The following DSTN variants were observed in gnomAD, a reference collection of about 807,000 sequenced individuals.
The protein encoded by DSTN is destrin.
Under a neutral mutation model 16.8 loss-of-function variants are expected in DSTN, and 10 were observed. The ratio of observed to expected loss-of-function variants is 0.60; its 90% confidence interval spans 0.37 to 1.01. DSTN has a LOEUF of 1.01. Among genes scored for constraint, DSTN ranks in the 50% least tolerant of loss-of-function variants. The pLI, the probability that DSTN is intolerant of heterozygous loss-of-function variation, is 0.01. For missense variants in DSTN, 141 were observed against 196.7 expected (o/e 0.72, Z 1.69); for synonymous variants, 57 against 58.9 (o/e 0.97, Z 0.14).
chr20:17,585,106 A>G (rs1415008604), intron 1 of DSTN, among the ~76,000 whole-genome samples: 1 of 152,230 alleles, frequency 6.6e-6, no homozygotes, highest in Admixed American at 6.5e-5. Flanking sequence ...TGCTTTCTAA[A>G]AGATATTAAT....
intron 1 of DSTN, among the ~76,000 whole-genome samples, chr20:17,594,949 T>C (rs1386275380): frequency 6.6e-6 from 1 of 152,194 alleles, no homozygotes; most frequent in African/African-American, 2.4e-5. Context: ...GTGCATCACA[T>C]GCCTTTGAGA....
intron 3 of DSTN, among the ~76,000 whole-genome samples, chr20:17,605,528 T>C (rs190013299): frequency 1.3e-5 from 2 of 152,348 alleles, no homozygotes; most frequent in East Asian, 3.9e-4. Context: ...AGGTTTGCCC[T>C]AGCCTGTTTT....
chr20:17,570,157 C>T lies in DSTN; in HGVS notation c.-52C>T. ...AGCCGTGAGGAGGACGGTCTGCATA[C>T]TCGCTGCCCGCCGGCTCCCTCCCCC... On this transcript the variant is annotated 5_prime_UTR_variant, in exon 1 of 4. Transcript: ENST00000246069. The T allele has an allele frequency of 2.6e-6, 4 of 1,517,362 alleles. No homozygotes were observed. Among genetic ancestry groups the T allele is most frequent in the South Asian group, 1.2e-5 (1 of 82,870 alleles). 94.0% of individuals were successfully genotyped at this position (1,517,362 alleles called of 1,614,324 possible). A position where few individuals can be genotyped will look rare whatever the true frequency, so the allele number is the denominator to read the frequency against.
Position 17,600,804 on chromosome 20 carries a change from T to C in DSTN, c.70T>C (p.Ser24Pro). Residue 24 changes from serine (S) to proline (P), a missense_variant, in exon 2 of 4, where the codon TCC becomes CCC. Physicochemically the swap from Ser to Pro is moderately conservative, Grantham distance 74 (BLOSUM62 -1). Coordinates refer to ENST00000246069, the MANE Select transcript of DSTN (RefSeq NM_006870.4). ...TTATGACATGAAAGTTCGTAAATGC[T>C]CCACACCAGAAGAAATCAAGAAAAG... Reference protein sequence around the residue: ...IFYDMKVRKCSTPEEIKKRKK... With the variant: ...IFYDMKVRKCPTPEEIKKRKK... The C allele has an allele frequency of 1.2e-6, 2 of 1,613,790 alleles. No homozygotes were observed. The highest frequency in any genetic ancestry group is 1.7e-6 in the Non-Finnish European group (2 of 1,179,788).
At chr20:17,592,458 C>T (rs1047614500) in intron 1 of DSTN, among the ~76,000 whole-genome samples, 3 of 151,412 alleles carry the variant, frequency 2.0e-5, no homozygotes, top group Non-Finnish European at 4.4e-5. Flanking sequence ...ATCTCGGAAC[C>T]GGTTATTTAA....
Position 17,609,680 on chromosome 20 carries a change from G to A in DSTN, c.*2534G>A, listed in dbSNP as rs1297904202. ...AGTGGATTCCTGAGGCCCAAGAATT[G>A]TGCTAACAAGCACTCAAGGCGATTC... is the stretch of plus-strand genomic sequence containing the variant. On this transcript the variant is annotated 3_prime_UTR_variant, in exon 4 of 4. Coordinates refer to ENST00000246069, the MANE Select transcript of DSTN (RefSeq NM_006870.4). The A allele has an allele frequency of 3.3e-5, 5 of 152,192 alleles. No homozygotes were observed. The highest frequency in any genetic ancestry group is 7.3e-5 in the Non-Finnish European group (5 of 68,034). The allele number at this position is 152,192 out of a possible 1,614,324, so 9.4% of individuals were successfully genotyped here. A position where few individuals can be genotyped will look rare whatever the true frequency, so the allele number is the denominator to read the frequency against.
intron 1 of DSTN, among the ~76,000 whole-genome samples, chr20:17,586,369 A>G (rs547640714): frequency 3.3e-5 from 5 of 152,300 alleles, no homozygotes; most frequent in African/African-American, 9.6e-5. Flanking sequence ...GGACAAAACC[A>G]ATGGCTTGCC....
chr20:17,594,030 A>G (rs1032942324), intron 1 of DSTN, among the ~76,000 whole-genome samples: 4 of 152,056 alleles, frequency 2.6e-5, no homozygotes, highest in Non-Finnish European at 5.9e-5. Flanking sequence ...GCAGTTTGCT[A>G]TGATCATGCC....
At chr20:17,572,464 T>C (rs376860177) in intron 1 of DSTN, among the ~76,000 whole-genome samples, 1 of 152,244 alleles carries the variant, frequency 6.6e-6, no homozygotes, top group African/African-American at 2.4e-5. Context: ...CACCTAGACT[T>C]GCCTAGCTCC....
chr20:17,583,626 A>T (rs867425291), intron 1 of DSTN, among the ~76,000 whole-genome samples: 1 of 131,480 alleles, frequency 7.6e-6, no homozygotes, highest in Non-Finnish European at 1.6e-5. Flanking sequence ...TTTATACAAA[A>T]TGTCCAGAAT....
At chr20:17,606,908 A>C in intron 3 of DSTN, 129 bp from the exon 4 acceptor site, 2 of 720,178 alleles carry the variant, frequency 2.8e-6, no homozygotes, top group Non-Finnish European at 4.6e-6. Flanking sequence ...GTTACTGTGT[A>C]GTATTCCGTG....
intron 1 of DSTN, among the ~76,000 whole-genome samples, chr20:17,595,448 C>T (rs914370741): frequency 6.6e-6 from 1 of 152,086 alleles, no homozygotes; most frequent in African/African-American, 2.4e-5. Context: ...GCTAACTCTC[C>T]CATCTGTGCT....
rs16999426 is a variant in DSTN at position 17,570,129 on chromosome 20, C to G, written c.-80C>G. ...AGCTCAGCGCTGGGTCTCTCGGTCCCGCAGCCGTGAGGAGGACGGTCTGCA... is the reference window on the plus strand; with the variant it reads ...AGCTCAGCGCTGGGTCTCTCGGTCCGGCAGCCGTGAGGAGGACGGTCTGCA... On this transcript the variant is annotated 5_prime_UTR_variant, in exon 1 of 4. Transcript: ENST00000246069. The G allele has an allele frequency of 6.6e-7, 1 of 1,507,930 alleles. No individual in the cohort carries two copies. Among genetic ancestry groups the G allele is most frequent in the Non-Finnish European group, 8.8e-7 (1 of 1,132,824 alleles). 93.4% of individuals were successfully genotyped at this position (1,507,930 alleles called of 1,614,324 possible). A position where few individuals can be genotyped will look rare whatever the true frequency, so the allele number is the denominator to read the frequency against.
At position 17,600,917 on chromosome 20, in the gene DSTN, T is replaced by C. The variant is rs1600712412; in HGVS notation, c.183T>C (p.Gly61=). 6.2e-7 allele frequency: 1 copy of C among 1,614,020 alleles called. No individual in the cohort carries two copies. ...EGKEILVGDV[G]VTITDPFKHF... The stretch of plus-strand genomic sequence containing the variant: ...AAGAGATCTTGGTTGGAGATGTTGG[T>C]GTAACCATAACTGATCCTTTCAAGC... The change falls in exon 2 of 4, where the codon GGT becomes GGC. Residue 61 remains glycine (G), a synonymous_variant. Coordinates refer to ENST00000246069, the MANE Select transcript of DSTN (RefSeq NM_006870.4).
rs551000971 is a variant in DSTN, at chr20:17,574,610, C to T, written c.3+4399C>T. 3.3e-5 allele frequency among the ~76,000 whole-genome samples: 5 copies of T among 151,450 alleles called. No homozygotes were observed. In the South Asian group the frequency reaches 1.0e-3, roughly 32 times the overall value. ...GCGTGGTGGCACGTGCCTGTAATCCCAGCTACTCAGGAGGCTGAGGCAGGA... is the reference window on the plus strand; with the variant it reads ...GCGTGGTGGCACGTGCCTGTAATCCTAGCTACTCAGGAGGCTGAGGCAGGA... On this transcript the variant is annotated intron_variant, in intron 1 of 3. Coordinates refer to ENST00000246069, the MANE Select transcript of DSTN (RefSeq NM_006870.4).
intron 1 of DSTN, among the ~76,000 whole-genome samples, chr20:17,583,954 G>A (rs2035378489): frequency 1.3e-5 from 2 of 151,922 alleles, no homozygotes; most frequent in Non-Finnish European, 2.9e-5. Flanking sequence ...GCCGAGGTTG[G>A]TCTTGAACTC....
chr20:17,603,759 A>C (rs1004811533), intron 2 of DSTN, among the ~76,000 whole-genome samples: 13 of 152,278 alleles, frequency 8.5e-5, no homozygotes, highest in African/African-American at 2.4e-4. Flanking sequence ...TTGACAGTTA[A>C]GACATAATTA....
chr20:17,607,160 A>G lies in DSTN; in HGVS notation c.*14A>G. ...TGCCCTGTGTAGATTATTCAGTGCCACAAATTGAAAGCTTCCATGTTTAAT... is the reference window on the plus strand; with the variant it reads ...TGCCCTGTGTAGATTATTCAGTGCCGCAAATTGAAAGCTTCCATGTTTAAT... On this transcript the variant is annotated 3_prime_UTR_variant, in exon 4 of 4. Coordinates refer to ENST00000246069, the MANE Select transcript of DSTN (RefSeq NM_006870.4). The G allele has an allele frequency of 6.2e-7, 1 of 1,603,348 alleles. No individual in the cohort carries two copies. The highest frequency in any genetic ancestry group is 2.2e-5 in the East Asian group (1 of 44,786).
intron 1 of DSTN, among the ~76,000 whole-genome samples, chr20:17,598,979 A>G (rs2035556987): frequency 6.6e-6 from 1 of 152,206 alleles, no homozygotes; most frequent in Admixed American, 6.5e-5. Context: ...TTTCTACCCA[A>G]GAGAATTAAA....
Sources: gnomAD v4.1 joint callset for allele counts (sites outside exome capture counted in the v4.1 genomes callset) on GRCh38, gnomAD v4.1.1 for gene constraint, MANE v1.5 for transcripts, NCBI Gene and HGNC (gene_info 2026-07-23, HGNC 2026-07-21) for gene names.